The following TINAG variants were observed in gnomAD, a reference collection of about 807,000 sequenced individuals.
TINAG encodes the protein tubulointerstitial nephritis antigen.
Under a neutral mutation model 72.7 loss-of-function variants are expected in TINAG, and 83 were observed. That is an observed-to-expected ratio of 1.14 (90% CI 0.96 to 1.37). The LOEUF (loss-of-function observed/expected upper bound fraction) is 1.37. Ranked by LOEUF, TINAG falls within the 40% of genes most tolerant of loss-of-function variation. The pLI is 0.00. For missense variants in TINAG, 685 were observed against 576.6 expected (o/e 1.19, Z -1.93); for synonymous variants, 234 against 189.9 (o/e 1.23, Z -1.91).
At position 54,338,081 on chromosome 6, in the gene TINAG, C is replaced by T. The variant is rs188936332; in HGVS notation, c.625-5145C>T. ...CCCTTCGGTAAACTTAGAAAATATA[C>T]GCCTGGCCTCACTCCTTATTCACCT... is the stretch of plus-strand genomic sequence containing the variant. On this transcript the variant is annotated intron_variant, in intron 4 of 10. Transcript: ENST00000259782. Among the ~76,000 whole-genome samples, 237 of 152,222 alleles carry T rather than the reference C, an allele frequency of 1.6e-3. 1 individual carries two copies. Among genetic ancestry groups the T allele is most frequent in the African/African-American group, 3.7e-3 (155 of 41,530 alleles).
At chr6:54,336,876 T>A (rs2150949671) in intron 4 of TINAG, among the ~76,000 whole-genome samples, 1 of 152,148 alleles carries the variant, frequency 6.6e-6, no homozygotes, top group South Asian at 2.1e-4. Context: ...ATTGTTTGAG[T>A]CAATCTCATA....
intron 10 of TINAG, among the ~76,000 whole-genome samples, chr6:54,387,462 G>A (rs912895079): frequency 1.4e-5 from 2 of 147,382 alleles, no homozygotes; most frequent in African/African-American, 5.2e-5. Flanking sequence ...ATTATTTTGA[G>A]CTAAAAAAAA....
intron 6 of TINAG, among the ~76,000 whole-genome samples, chr6:54,348,715 T>A (rs540561309): frequency 6.6e-6 from 1 of 152,252 alleles, no homozygotes; most frequent in African/African-American, 2.4e-5. Context: ...CCAAATATCA[T>A]TACATTGGGT....
At chr6:54,344,733 G>A (rs1785080217) in intron 5 of TINAG, among the ~76,000 whole-genome samples, 1 of 152,110 alleles carries the variant, frequency 6.6e-6, no homozygotes, top group Admixed American at 6.6e-5. Flanking sequence ...CCTCTGCACT[G>A]TACCAAGTCA....
At chr6:54,341,007 A>G (rs149327656) in intron 4 of TINAG, among the ~76,000 whole-genome samples, 93 of 152,242 alleles carry the variant, frequency 6.1e-4, no homozygotes, top group African/African-American at 2.1e-3. Context: ...GTGGAGGTCA[A>G]TTTCTAAATA....
intron 9 of TINAG, among the ~76,000 whole-genome samples, chr6:54,372,485 T>C (rs1763649620): frequency 6.6e-6 from 1 of 151,986 alleles, no homozygotes; most frequent in Non-Finnish European, 1.5e-5. Flanking sequence ...CATAGTGATT[T>C]AGAAAGTTTA....
chr6:54,379,415 T>G (rs530176792), intron 9 of TINAG, among the ~76,000 whole-genome samples: 1 of 152,118 alleles, frequency 6.6e-6, no homozygotes, highest in Non-Finnish European at 1.5e-5. Context: ...ATCGTGTACG[T>G]TTAGGTTTTT....
At chr6:54,323,338 G>A (rs973238346) in intron 3 of TINAG, among the ~76,000 whole-genome samples, 2 of 152,046 alleles carry the variant, frequency 1.3e-5, no homozygotes, top group Non-Finnish European at 2.9e-5. Flanking sequence ...CAAAAAAGGG[G>A]GGAAGTCTTT....
intron 7 of TINAG, among the ~76,000 whole-genome samples, chr6:54,351,125 G>A (rs1785255456): frequency 6.6e-6 from 1 of 151,960 alleles, no homozygotes; most frequent in African/African-American, 2.4e-5. Flanking sequence ...AACCATAAAA[G>A]GCTATTGTAT....
At chr6:54,308,383 C>G (rs931142311), upstream of TINAG, 1 of 650,284 alleles carries the variant, frequency 1.5e-6, no homozygotes, top group Non-Finnish European at 2.6e-6. Flanking sequence ...CATTGAAATT[C>G]TTGATTAATG....
chr6:54,372,360 C>G (rs1165487943), intron 9 of TINAG, among the ~76,000 whole-genome samples: 1 of 151,858 alleles, frequency 6.6e-6, no homozygotes, highest in African/African-American at 2.4e-5. Context: ...GTTATTAGCC[C>G]CTGGTACAGT....
At position 54,326,882 on chromosome 6, in the gene TINAG, C is replaced by G; in HGVS notation, c.590C>G (p.Pro197Arg). 2 of 1,612,860 alleles carry G rather than the reference C, an allele frequency of 1.2e-6. No homozygotes were observed. Among genetic ancestry groups the G allele is most frequent in the Non-Finnish European group, 1.7e-6 (2 of 1,179,772 alleles). ...AAATTTCGCCTTGGCACTTTGCCAC[C>G]TAGTCCCATGCTCCTGAGCATGAAT... is the stretch of plus-strand genomic sequence containing the variant. ...GFKFRLGTLP[P>R]SPMLLSMNEM... Residue 197 changes from proline (P) to arginine (R), a missense_variant, in exon 4 of 11, where the codon CCT (proline) becomes CGT (arginine). By Grantham distance (103) the Pro-to-Arg change is moderately radical. Coordinates refer to ENST00000259782, the MANE Select transcript of TINAG (RefSeq NM_014464.4).
intron 9 of TINAG, among the ~76,000 whole-genome samples, chr6:54,360,839 G>GTTTTTTTTTTTTTTTTT (rs773926586): frequency 2.9e-4 from 5 of 16,960 alleles, no homozygotes; most frequent in East Asian, 2.3e-3. Context: ...CACAGATACT[G>GTTTTTTTTTTTTTTTTT]TGTTTTTTTT....
chr6:54,348,796 G>A (rs753761894), intron 6 of TINAG, among the ~76,000 whole-genome samples: 1 of 152,070 alleles, frequency 6.6e-6, no homozygotes, highest in Non-Finnish European at 1.5e-5. Flanking sequence ...TAATACAAAT[G>A]TAATGCATTT....
intron 1 of TINAG, among the ~76,000 whole-genome samples, chr6:54,320,255 A>T (rs558236751): frequency 9.9e-5 from 15 of 152,228 alleles, no homozygotes; most frequent in Admixed American, 2.0e-4. Flanking sequence ...CAATTCAAAT[A>T]CTATTATATT....
At chr6:54,366,195 A>G (rs1763411059) in intron 9 of TINAG, among the ~76,000 whole-genome samples, 1 of 151,456 alleles carries the variant, frequency 6.6e-6, no homozygotes, top group East Asian at 2.0e-4. Context: ...TCTTCAGGTT[A>G]TCTGACTTCA....
At chr6:54,333,025 G>A (rs1784777018) in intron 4 of TINAG, among the ~76,000 whole-genome samples, 1 of 152,146 alleles carries the variant, frequency 6.6e-6, no homozygotes, top group Non-Finnish European at 1.5e-5. Context: ...TGATGGGAGT[G>A]TAAATTAGCT....
At chr6:54,335,495 G>T (rs903499452) in intron 4 of TINAG, among the ~76,000 whole-genome samples, 1 of 152,124 alleles carries the variant, frequency 6.6e-6, no homozygotes, top group Non-Finnish European at 1.5e-5. Flanking sequence ...TATTTCTAGG[G>T]CATGGTAGTT....
intron 8 of TINAG, among the ~76,000 whole-genome samples, chr6:54,353,774 T>C (rs1302791387): frequency 6.6e-6 from 1 of 151,840 alleles, no homozygotes; most frequent in Non-Finnish European, 1.5e-5. Context: ...AAGACAAGTA[T>C]TGTACACAGT....
Sources: gnomAD v4.1 joint callset for allele counts (sites outside exome capture counted in the v4.1 genomes callset) on GRCh38, gnomAD v4.1.1 for gene constraint, MANE v1.5 for transcripts, NCBI Gene and HGNC (gene_info 2026-07-23, HGNC 2026-07-21) for gene names.